LYRM4: variants seen among roughly 807,000 people sequenced by gnomAD.
LYRM4 encodes the protein LYR motif-containing protein 4.
Under a neutral mutation model 11.7 loss-of-function variants are expected in LYRM4, and 9 were observed. The ratio of observed to expected loss-of-function variants is 0.77; its 90% CI spans 0.46 to 1.34. LYRM4 has a LOEUF of 1.34. Among genes scored for constraint, LYRM4 ranks in the 40% most tolerant of loss-of-function variants. The probability of loss-of-function intolerance (pLI) is 0.00; values close to 1 mark genes in which losing one functional copy is unlikely to be tolerated. For missense variants in LYRM4, 133 were observed against 112.5 expected, an observed-to-expected ratio of 1.18 and a Z score of -0.82; for synonymous variants, 42 against 40.4, an observed-to-expected ratio of 1.04 and a Z score of -0.15.
chr6:5,092,917 T>G, the LYRM4 span, among the ~76,000 whole-genome samples: 2 of 152,262 alleles, frequency 1.3e-5, no homozygotes, highest in African/African-American at 4.8e-5. Flanking sequence ...AACCTAAGAT[T>G]AGTAAGTTTC....
the LYRM4 span, among the ~76,000 whole-genome samples, chr6:5,077,154 A>G: frequency 6.6e-6 from 1 of 152,188 alleles, no homozygotes; most frequent in African/African-American, 2.4e-5. Flanking sequence ...TGTGTGGGAC[A>G]GTGGGGATAC....
chr6:5,260,890 G>C lies in LYRM4; in HGVS notation c.-157C>G. On this transcript the variant is annotated 5_prime_UTR_variant, in exon 1 of 3. Coordinates refer to ENST00000330636, the MANE Select transcript of LYRM4 (RefSeq NM_020408.6). ...GGCCTAAGCCTAAGCGGGCAGCCCT[G>C]CGGATCGCGGACGGCGCCAGGCGTC... 7.1e-7 allele frequency: 1 copy of C among 1,404,792 alleles called. No individual in the cohort carries two copies. The allele number at this position is 1,404,792 out of a possible 1,614,324, so 87.0% of individuals were successfully genotyped here. A position where few individuals can be genotyped will look rare whatever the true frequency, so the allele number is the denominator to read the frequency against.
downstream of LYRM4, among the ~76,000 whole-genome samples, chr6:5,099,676 C>T (rs6930626): frequency 0.059 from 9,043 of 152,174 alleles, 377 homozygotes; most frequent in Middle Eastern, 0.14. This position sits in a 1 kb window ranked among gnomAD's most constrained non-coding sequence, Gnocchi z 4.3. Flanking sequence ...CTCCTGGCCT[C>T]GAGCAATCCT....
intron 2 of LYRM4, among the ~76,000 whole-genome samples, chr6:5,138,473 T>G (rs1757221013): frequency 9.6e-6 from 1 of 104,090 alleles, no homozygotes; most frequent in Non-Finnish European, 1.7e-5. Flanking sequence ...GCCAACAGAG[T>G]GAGACCCTGT....
intron 1 of LYRM4, among the ~76,000 whole-genome samples, chr6:5,248,355 A>T (rs1394707460): frequency 6.6e-6 from 1 of 152,184 alleles, no homozygotes; most frequent in Non-Finnish European, 1.5e-5. Context: ...ACTGGCCTCT[A>T]TGTCTTCCGC....
chr6:5,229,504 C>CAG (rs111455541), intron 1 of LYRM4, among the ~76,000 whole-genome samples: 7,442 of 152,222 alleles, frequency 0.049, 594 homozygotes, highest in African/African-American at 0.16. Flanking sequence ...CTCCAGGGCT[C>CAG]AGTGGGTGGT....
chr6:5,129,213 C>A (rs1199418082), intron 2 of LYRM4, among the ~76,000 whole-genome samples: 1 of 152,204 alleles, frequency 6.6e-6, no homozygotes, highest in African/African-American at 2.4e-5. Flanking sequence ...TGCCCTGAGA[C>A]AACCCAGGTT....
In LYRM4 at chr6:5,260,577, C is replaced by G. The variant is rs563852841; in HGVS notation, c.86+71G>C. On this transcript the variant is annotated intron_variant, in intron 1 of 2. Coordinates refer to ENST00000330636, the MANE Select transcript of LYRM4 (RefSeq NM_020408.6). The stretch of plus-strand genomic sequence containing the variant: ...TGGCTCCCAGTCCCCGGGGATATTC[C>G]GCGTCAGCCCGCACCCCCGGTCCCC... 5.3e-6 allele frequency: 8 copies of G among 1,518,382 alleles called. No homozygotes were observed. The East Asian group carries it at 2.0e-4, about 37-fold the overall frequency. The allele number at this position is 1,518,382 out of a possible 1,614,324, so 94.1% of individuals were successfully genotyped here.
At chr6:5,209,350 G>GC (rs1761870462) in intron 2 of LYRM4, among the ~76,000 whole-genome samples, 1 of 152,166 alleles carries the variant, frequency 6.6e-6, no homozygotes, top group East Asian at 1.9e-4. Flanking sequence ...ACCCACCTTG[G>GC]CCCCCCAAAG....
chr6:5,257,995 GAGA>G (rs1201059054), intron 1 of LYRM4, among the ~76,000 whole-genome samples: 4 of 152,196 alleles, frequency 2.6e-5, no homozygotes, highest in African/African-American at 9.7e-5. Flanking sequence ...CTTTTGTTCA[GAGA>G]AGGTGACAAT....
chr6:5,133,978 A>G (rs754949083), intron 2 of LYRM4, among the ~76,000 whole-genome samples: 6 of 152,244 alleles, frequency 3.9e-5, no homozygotes, highest in Non-Finnish European at 8.8e-5. Context: ...TTGCGTGGAA[A>G]TACCACATAT....
At position 5,170,411 on chromosome 6, in the gene LYRM4, T is replaced by C. The variant is rs1230498042; in HGVS notation, c.207+46207A>G. On this transcript the variant is annotated intron_variant, in intron 2 of 2. Coordinates refer to ENST00000330636, the MANE Select transcript of LYRM4 (RefSeq NM_020408.6). Reference sequence around the variant, plus strand: ...TTTTTCAAGGGGAGTATCCAAAGCTTAGTCAGATTCACAAAGGGCCTGTGA... The same window carrying C: ...TTTTTCAAGGGGAGTATCCAAAGCTCAGTCAGATTCACAAAGGGCCTGTGA... 3.3e-5 allele frequency among the ~76,000 whole-genome samples: 5 copies of C among 152,154 alleles called. No homozygotes were observed. In the East Asian group the frequency reaches 9.6e-4, roughly 29 times the overall value.
the LYRM4 span, among the ~76,000 whole-genome samples, chr6:5,045,693 A>G: frequency 6.6e-6 from 1 of 152,152 alleles, no homozygotes; most frequent in South Asian, 2.1e-4. Context: ...TGCTTCTTTC[A>G]TTATAAAATT....
At chr6:5,202,983 G>T (rs1761476510) in intron 2 of LYRM4, among the ~76,000 whole-genome samples, 1 of 152,148 alleles carries the variant, frequency 6.6e-6, no homozygotes, top group Non-Finnish European at 1.5e-5. Context: ...TCTCCAAGGA[G>T]AGAACGACAT....
Position 5,248,697 on chromosome 6 carries a change from G to A in LYRM4, c.86+11951C>T, listed in dbSNP as rs543329978. Among the ~76,000 whole-genome samples the A allele has an allele frequency of 3.9e-5, 6 of 152,324 alleles. No homozygotes were observed. The South Asian group carries it at 1.0e-3, about 26-fold the overall frequency. ...TTCTTCAGCTCCGATCCCCTTTCGG[G>A]TTAGGCTGCTGTCTCTCCTATCTGC... On this transcript the variant is annotated intron_variant, in intron 1 of 2. Transcript: ENST00000330636.
intron 2 of LYRM4, among the ~76,000 whole-genome samples, chr6:5,149,612 T>C (rs1431237092): frequency 9.8e-5 from 4 of 40,862 alleles, no homozygotes; most frequent in Admixed American, 7.1e-4. Flanking sequence ...GTATGTCTTC[T>C]GGGGGTGGGG....
intron 2 of LYRM4, among the ~76,000 whole-genome samples, chr6:5,175,622 C>T (rs1026583369): frequency 1.3e-5 from 2 of 152,180 alleles, no homozygotes; most frequent in African/African-American, 2.4e-5. Flanking sequence ...AACAGGGTCA[C>T]ACATTTTGTG....
At chr6:5,127,551 C>A (rs1488038147) in intron 2 of LYRM4, among the ~76,000 whole-genome samples, 1 of 152,138 alleles carries the variant, frequency 6.6e-6, no homozygotes, top group Non-Finnish European at 1.5e-5. Flanking sequence ...TGAAATATGG[C>A]TGGTCCAAAC....
intron 1 of LYRM4, among the ~76,000 whole-genome samples, chr6:5,250,767 A>C (rs1462792419): frequency 6.6e-6 from 1 of 152,230 alleles, no homozygotes; most frequent in Non-Finnish European, 1.5e-5. Context: ...TTTACAAAGC[A>C]GTCTTTTTCT....
Sources: allele counts gnomAD v4.1 joint callset (sites outside exome capture counted in the v4.1 genomes callset), GRCh38; gene constraint gnomAD v4.1.1; non-coding constraint Gnocchi (gnomAD v3.1); transcripts MANE v1.5; gene names NCBI Gene and HGNC (gene_info 2026-07-23, HGNC 2026-07-21).